The following ZNF358 variants were observed in gnomAD, a reference collection of about 807,000 sequenced individuals.
ZNF358 encodes the protein zinc finger protein 358.
Under a neutral mutation model 2.1 loss-of-function variants are expected in ZNF358, and 1 was observed. The observed-to-expected ratio is 0.49, with a 90% CI of 0.17 to 2.30. The LOEUF (loss-of-function observed/expected upper bound fraction) is 2.30, where lower values mean the gene tolerates loss of function less well. Among genes scored for constraint, ZNF358 ranks in the 30% most tolerant of loss-of-function variants. The probability of loss-of-function intolerance (pLI) is 0.26; values close to 1 mark genes in which losing one functional copy is unlikely to be tolerated. For synonymous variants in ZNF358, 381 were observed against 359.7 expected, an observed-to-expected ratio of 1.06 and a Z score of -0.67; for missense variants, 665 against 806.8, an observed-to-expected ratio of 0.82 and a Z score of 2.13.
rs952687350 is a variant in ZNF358, at chr19:7,519,467, C to T, written c.225C>T (p.Ala75=). 9 of 1,613,854 alleles carry T rather than the reference C, an allele frequency of 5.6e-6. No individual in the cohort carries two copies. The highest frequency in any genetic ancestry group is 1.3e-5 in the African/African-American group (1 of 74,900). The change falls in exon 2 of 2, where the codon GCC becomes GCT. Residue 75 remains alanine (A), a synonymous_variant. Coordinates refer to ENST00000597229, the MANE Select transcript of ZNF358 (RefSeq NM_018083.5). ...TCTCGGAGGATCTGGACCCCGACGC[C>T]GAAGCTCCGGGCTCGGAACCCCAAG... ...EPVSEDLDPD[A]EAPGSEPQDP...
Position 7,520,884 on chromosome 19 carries a change from C to G in ZNF358, c.1642C>G (p.Leu548Val), listed in dbSNP as rs1158756602. Residue 548 changes from leucine to valine, a missense_variant, in exon 2 of 2, where the codon CTC becomes GTC. Leu to Val is a conservative substitution (Grantham distance 32). This residue lies in a region of ZNF358 where 249 missense variants were observed against 227.6 expected (regional missense o/e 1.09). Coordinates refer to ENST00000597229, the MANE Select transcript of ZNF358 (RefSeq NM_018083.5). The surrounding 1 kb of genome is among the most constrained non-coding windows in gnomAD (Gnocchi z 6.0). ...CACTCGTGGCACTGTCAGCCCAGCCCTCCCTACCGGCGAGAGTCCAGAGTG... is the reference window on the plus strand; with the variant it reads ...CACTCGTGGCACTGTCAGCCCAGCCGTCCCTACCGGCGAGAGTCCAGAGTG... ...SPTRGTVSPA[L>V]PTGESPEWVQ... is the part of the protein sequence containing the mutation. 1.9e-6 allele frequency: 3 copies of G among 1,614,116 alleles called. No homozygotes were observed. The Admixed American group carries it at 5.0e-5, about 27-fold the overall frequency.
chr19:7,519,152 C>T (rs1395192174), intron 1 of ZNF358, 53 bp from the exon 2 acceptor site: 12 of 1,515,968 alleles, frequency 7.9e-6, no homozygotes, highest in Admixed American at 2.2e-5. Context: ...CAAAAGACAC[C>T]CCCGCTCCCA....
intron 1 of ZNF358, among the ~76,000 whole-genome samples, 154 bp from the exon 2 acceptor site, chr19:7,519,051 C>T (rs893415337): frequency 2.5e-5 from 3 of 118,128 alleles, no homozygotes; most frequent in East Asian, 2.4e-4. Flanking sequence ...GGCAACAGAA[C>T]GAGACCCCAT....
In ZNF358 at chr19:7,520,021, C is replaced by T. The variant is rs1205989178; in HGVS notation, c.779C>T (p.Pro260Leu). Residue 260 changes from proline (P) to leucine (L), a missense_variant, in exon 2 of 2, where the codon CCG becomes CTG. Physicochemically the swap from Pro to Leu is moderately conservative, Grantham distance 98. Transcript: ENST00000597229. The surrounding 1 kb of genome is among the most constrained non-coding windows in gnomAD (Gnocchi z 6.0). The stretch of plus-strand genomic sequence containing the variant: ...CAGCACCTGCGCACGCACGGCGGCC[C>T]GCGGCCCCACAAGTGCCCGGTGTGC... The part of the protein sequence containing the change: ...LAQHLRTHGG[P>L]RPHKCPVCAK... 5.9e-6 allele frequency: 9 copies of T among 1,530,008 alleles called. No individual in the cohort carries two copies. The highest frequency in any genetic ancestry group is 1.4e-5 in the African/African-American group (1 of 71,918). The allele number at this position is 1,530,008 out of a possible 1,614,324, so 94.8% of individuals were successfully genotyped here.
At position 7,521,018 on chromosome 19, in the gene ZNF358, G is replaced by C; in HGVS notation, c.*69G>C. ...GTGCAGTCAGTAAAATCCTCCCACT[G>C]CCTCCGGGCTCTGTGTCGTGGCTTG... On this transcript the variant is annotated 3_prime_UTR_variant, in exon 2 of 2. Coordinates refer to ENST00000597229, the MANE Select transcript of ZNF358 (RefSeq NM_018083.5). The C allele has an allele frequency of 2.6e-6, 4 of 1,557,134 alleles. No individual in the cohort carries two copies. The highest frequency in any genetic ancestry group is 3.5e-6 in the Non-Finnish European group (4 of 1,149,264).
Position 7,519,237 on chromosome 19 carries a change from C to T in ZNF358, c.-6C>T, listed in dbSNP as rs1178418951. 4 of 1,611,334 alleles carry T rather than the reference C, an allele frequency of 2.5e-6. No homozygotes were observed. The highest frequency in any genetic ancestry group is 1.7e-5 in the Admixed American group (1 of 59,610). ...CCCAGAAGCTGCGGGCACATCCACG[C>T]CTGAAATGCGGCGCTCAGTCCTGGT... On this transcript the variant is annotated 5_prime_UTR_variant, in exon 2 of 2. Coordinates refer to ENST00000597229, the MANE Select transcript of ZNF358 (RefSeq NM_018083.5).
At position 7,520,589 on chromosome 19, in the gene ZNF358, C is replaced by T; in HGVS notation, c.1347C>T (p.Gly449=). Reference sequence around the variant, plus strand: ...ATGCTGTTTCTGTGCTCGGCTCTGGCTTGGGCCTCAGCCCTGGCACCAGCT... The same window carrying T: ...ATGCTGTTTCTGTGCTCGGCTCTGGTTTGGGCCTCAGCCCTGGCACCAGCT... ...GPDAVSVLGS[G]LGLSPGTSSG... is the part of the protein sequence containing the mutation. The change falls in exon 2 of 2, where the codon GGC becomes GGT. Residue 449 remains glycine (G), a synonymous_variant. Coordinates refer to ENST00000597229, the MANE Select transcript of ZNF358 (RefSeq NM_018083.5). This position sits in a 1 kb window ranked among gnomAD's most constrained non-coding sequence, Gnocchi z 6.0. 1 of 1,374,144 alleles carries T rather than the reference C, an allele frequency of 7.3e-7. No individual in the cohort carries two copies. Among genetic ancestry groups the T allele is most frequent in the Non-Finnish European group, 1.0e-6 (1 of 985,086 alleles). 85.1% of individuals were successfully genotyped at this position (1,374,144 alleles called of 1,614,324 possible).
In ZNF358 at chr19:7,520,325, G is replaced by A. The variant is rs749040031; in HGVS notation, c.1083G>A (p.Ala361=). The change falls in exon 2 of 2, where the codon GCG becomes GCA. Residue 361 remains alanine (A), a synonymous_variant. Transcript: ENST00000597229. The surrounding 1 kb of genome is among the most constrained non-coding windows in gnomAD (Gnocchi z 6.0). ...HCSKAFGQSS[A]LLQHLHVHSG... ...CCAAGGCCTTCGGCCAGAGCTCAGC[G>A]CTGCTCCAGCACCTGCACGTGCATT... The A allele has an allele frequency of 6.2e-7, 1 of 1,611,638 alleles. No homozygotes were observed. The highest frequency in any genetic ancestry group is 1.7e-5 in the Admixed American group (1 of 59,978).
Position 7,520,371 on chromosome 19 carries a change from T to C in ZNF358, c.1129T>C (p.Cys377Arg). ...HVHSGERPYR[C>R]QLCGKAFGQA... ...GCATTCGGGCGAGCGTCCCTATCGC[T>C]GTCAGCTCTGCGGGAAGGCCTTCGG... Residue 377 changes from cysteine to arginine, a missense_variant, in exon 2 of 2, where the codon TGT becomes CGT. Coordinates refer to ENST00000597229, the MANE Select transcript of ZNF358 (RefSeq NM_018083.5). The surrounding 1 kb of genome is among the most constrained non-coding windows in gnomAD (Gnocchi z 6.0). The C allele has an allele frequency of 6.2e-7, 1 of 1,612,278 alleles. No homozygotes were observed. The highest frequency in any genetic ancestry group is 8.5e-7 in the Non-Finnish European group (1 of 1,179,610).
At position 7,519,536 on chromosome 19, in the gene ZNF358, G is replaced by A; in HGVS notation, c.294G>A (p.Val98=). 1 of 1,607,502 alleles carries A rather than the reference G, an allele frequency of 6.2e-7. No individual in the cohort carries two copies. Among genetic ancestry groups the A allele is most frequent in the South Asian group, 1.1e-5 (1 of 91,078 alleles). The change falls in exon 2 of 2, where the codon GTG becomes GTA. Residue 98 remains valine (V), a synonymous_variant. Transcript: ENST00000597229. The part of the protein sequence containing the change: ...MSSSFDLDPD[V]IGPVPLILDP... ...CGAGTTTCGACCTCGATCCAGATGTGATTGGCCCCGTACCCCTGATTCTCG... is the reference window on the plus strand; with the variant it reads ...CGAGTTTCGACCTCGATCCAGATGTAATTGGCCCCGTACCCCTGATTCTCG...
chr19:7,513,911 C>T (rs1392025280), upstream of ZNF358: 4 of 152,090 alleles, frequency 2.6e-5, no homozygotes, highest in African/African-American at 7.2e-5. Context: ...AAGACTGTCA[C>T]GGATGCAAAG....
upstream of ZNF358, chr19:7,515,239 G>C (rs2022319685): frequency 6.6e-6 from 1 of 152,190 alleles, no homozygotes; most frequent in Non-Finnish European, 1.5e-5. Flanking sequence ...TCGCGGCCCA[G>C]CCATCAGGAG....
chr19:7,519,925 G>A lies in ZNF358; in HGVS notation c.683G>A (p.Ser228Asn). 6.6e-7 allele frequency: 1 copy of A among 1,525,294 alleles called. No individual in the cohort carries two copies. The highest frequency in any genetic ancestry group is 2.5e-5 in the East Asian group (1 of 40,422). The allele number at this position is 1,525,294 out of a possible 1,614,324, so 94.5% of individuals were successfully genotyped here. A position where few individuals can be genotyped will look rare whatever the true frequency, so the allele number is the denominator to read the frequency against. The change falls in exon 2 of 2, where the codon AGC becomes AAC. Residue 228 changes from serine (S) to asparagine (N), a missense_variant. Physicochemically the swap from Ser to Asn is conservative, Grantham distance 46. Around this residue, in one of 3 missense-constraint regions of ZNF358, gnomAD observed 210 missense variants for 350.8 expected, o/e 0.60. Transcript: ENST00000597229. Reference sequence around the variant, plus strand: ...TCCACGCTGCTGAAACATCGCAGCAGCCACAGCGGGGAGAAGCCGCACCAC... The same window carrying A: ...TCCACGCTGCTGAAACATCGCAGCAACCACAGCGGGGAGAAGCCGCACCAC... ...WRSTLLKHRSSHSGEKPHHCP... is the reference protein window; with the variant it reads ...WRSTLLKHRSNHSGEKPHHCP...
intron 1 of ZNF358, among the ~76,000 whole-genome samples, chr19:7,518,557 G>GAGAGAAAGAAAGAAAAAGAAAGAAAGAA (rs556101041): frequency 8.6e-6 from 1 of 116,066 alleles, no homozygotes; most frequent in African/African-American, 3.8e-5. Flanking sequence ...GAGAGAGAGA[G>GAGAGAAAGAAAGAAAAAGAAAGAAAGAA]AGAAAGAAAG....
upstream of ZNF358, among the ~76,000 whole-genome samples, chr19:7,515,060 T>G (rs1391815539): frequency 1.3e-5 from 2 of 152,116 alleles, no homozygotes; most frequent in African/African-American, 4.8e-5. Flanking sequence ...GGAATTGTCG[T>G]CGGTAAGAAG....
chr19:7,516,738 T>C lies in ZNF358; in HGVS notation c.-39+489T>C, dbSNP rs1196995041. ...GATTGTTCCCTTGCCCCTCCAGTCT[T>C]GGGGTCTGCAGTTCTGGAAGCTCCT... On this transcript the variant is annotated intron_variant, in intron 1 of 1. Transcript: ENST00000597229. The surrounding 1 kb of genome is among the most constrained non-coding windows in gnomAD (Gnocchi z 5.9). Among the ~76,000 whole-genome samples, 4 of 152,006 alleles carry C rather than the reference T, an allele frequency of 2.6e-5. No individual in the cohort carries two copies.
chr19:7,519,086 A>T, intron 1 of ZNF358, 119 bp from the exon 2 acceptor site: 2 of 1,132,352 alleles, frequency 1.8e-6, no homozygotes, highest in Non-Finnish European at 2.3e-6. Flanking sequence ...AAAAAAAAAA[A>T]AGAAGTGGGT....
chr19:7,519,610 T>C lies in ZNF358; in HGVS notation c.368T>C (p.Ile123Thr). 6.3e-7 allele frequency: 1 copy of C among 1,598,372 alleles called. No individual in the cohort carries two copies. Among genetic ancestry groups the C allele is most frequent in the Non-Finnish European group, 8.5e-7 (1 of 1,179,266 alleles). ...LSPGDPKVDP[I>T]SSGLTATPQV... ...CCCGGCGATCCAAAAGTGGACCCCA[T>C]CTCCTCTGGCCTCACTGCCACCCCC... The change falls in exon 2 of 2, where the codon ATC (isoleucine) becomes ACC (threonine). Residue 123 changes from isoleucine to threonine, a missense_variant. Coordinates refer to ENST00000597229, the MANE Select transcript of ZNF358 (RefSeq NM_018083.5).
upstream of ZNF358, among the ~76,000 whole-genome samples, chr19:7,515,623 G>C (rs182016182): frequency 3.3e-5 from 5 of 152,260 alleles, no homozygotes; most frequent in Admixed American, 2.6e-4. Context: ...AGAGTTTTAC[G>C]AACAAAGATA....
Sources: allele counts gnomAD v4.1 joint callset (sites outside exome capture counted in the v4.1 genomes callset), GRCh38; gene constraint gnomAD v4.1.1; regional missense constraint gnomAD v4.1.1; non-coding constraint Gnocchi (gnomAD v3.1); transcripts MANE v1.5; gene names NCBI Gene and HGNC (gene_info 2026-07-23, HGNC 2026-07-21).